CCDC120: variants seen among roughly 807,000 people sequenced by gnomAD.
The protein encoded by CCDC120 is coiled-coil domain-containing protein 120.
In CCDC120, 16 loss-of-function variants were observed where a neutral mutation model predicts 37.6. The observed-to-expected ratio is 0.43, with a 90% CI of 0.29 to 0.65. CCDC120 has a LOEUF of 0.65. Among genes scored for constraint, CCDC120 ranks in the 30% least tolerant of loss-of-function variants. The pLI is 0.18. For missense variants in CCDC120, 650 were observed against 657.4 expected (o/e 0.99, Z 0.12); for synonymous variants, 309 against 275.4 (o/e 1.12, Z -1.21).
rs1557080918 is a variant in CCDC120 at position 49,065,523 on chromosome X, C to A, written c.857C>A (p.Ala286Glu). The stretch of plus-strand genomic sequence containing the variant: ...CCCAAGGCTTGGGACCAGCTGCGGG[C>A]AGTATCTGGGGGGAGCCCTGAGCGG... ...SPPKAWDQLR[A>E]VSGGSPERRT... Residue 286 changes from alanine to glutamate, a missense_variant, in exon 8 of 11, where the codon GCA becomes GAA. Around this residue, in one of 3 missense-constraint regions of CCDC120, gnomAD observed 576 missense variants for 565.3 expected, o/e 1.02. Transcript: ENST00000603986. 8.3e-7 allele frequency: 1 copy of A among 1,210,983 alleles called. No individual in the cohort carries two copies. Among genetic ancestry groups the A allele is most frequent in the African/African-American group, 1.7e-5 (1 of 57,930 alleles).
At position 49,067,955 on chromosome X, in the gene CCDC120, T is replaced by C. The variant is rs1557082058; in HGVS notation, c.1841T>C (p.Leu614Pro). 4.4e-6 allele frequency: 5 copies of C among 1,144,240 alleles called. No homozygotes were observed. Among genetic ancestry groups the C allele is most frequent in the Non-Finnish European group, 5.8e-6 (5 of 860,176 alleles). The allele number at this position is 1,144,240 out of a possible 1,213,427, so 94.3% of individuals were successfully genotyped here. Residue 614 changes from leucine (L) to proline (P), a missense_variant, in exon 10 of 11, where the codon CTC (leucine) becomes CCC (proline). Physicochemically the swap from Leu to Pro is moderately conservative, Grantham distance 98. This residue lies in a region of CCDC120 where 576 missense variants were observed against 565.3 expected (regional missense o/e 1.02). Transcript: ENST00000603986. ...GCGGGGCCCCAGCGCCGGCCTGTGC[T>C]CCCTTCCGTGGGCCCGCCACACCCA... ...LAAGPQRRPV[L>P]PSVGPPHPPF...
At chrX:49,065,198 T>A (rs1245994618) in intron 7 of CCDC120, 100 bp downstream of exon 7, 2 of 871,317 alleles carry the variant, frequency 2.3e-6, no homozygotes, top group Admixed American at 5.1e-5. Flanking sequence ...AGCCCATCCT[T>A]TGATGCCCAG....
At chrX:49,059,502 C>A in intron 1 of CCDC120, 2 of 223,235 alleles carry the variant, frequency 9.0e-6, no homozygotes, top group Non-Finnish European at 1.3e-5. Flanking sequence ...ATTACTCAGG[C>A]ACCTGCCTGC....
rs1309014541 is a variant in CCDC120, at chrX:49,067,085, G to A, written c.1062-91G>A. The A allele has an allele frequency of 1.1e-5, 9 of 809,351 alleles. No homozygotes were observed. In the East Asian group the frequency reaches 3.0e-4, roughly 27 times the overall value. 66.7% of individuals were successfully genotyped at this position (809,351 alleles called of 1,213,427 possible). Reference sequence around the variant, plus strand: ...GCCCATTTGGAGATGTGAAAGTGAAGGCTTAGAAAGGGCTGGGGTAGGGAG... The same window carrying A: ...GCCCATTTGGAGATGTGAAAGTGAAAGCTTAGAAAGGGCTGGGGTAGGGAG... On this transcript the variant is annotated intron_variant, in intron 9 of 10. Coordinates refer to ENST00000603986, the MANE Select transcript of CCDC120 (RefSeq NM_001163321.4).
chrX:49,064,976 T>C, intron 6 of CCDC120, 60 bp from the exon 7 acceptor site: 1 of 1,140,589 alleles, frequency 8.8e-7, no homozygotes, highest in Non-Finnish European at 1.2e-6. Flanking sequence ...CCCAGTGGTG[T>C]AAGGGGGCAG....
Position 49,067,849 on chromosome X carries a change from T to G in CCDC120, c.1735T>G (p.Ser579Ala). The change falls in exon 10 of 11, where the codon TCG becomes GCG. Residue 579 changes from serine (S) to alanine (A), a missense_variant. By Grantham distance (99) the Ser-to-Ala change is moderately conservative. Coordinates refer to ENST00000603986, the MANE Select transcript of CCDC120 (RefSeq NM_001163321.4). ...GATGCCCCCACCCACCCGTATCCCCTCGGCTGGTGAACGCAGTGGCCACAA... is the reference window on the plus strand; with the variant it reads ...GATGCCCCCACCCACCCGTATCCCCGCGGCTGGTGAACGCAGTGGCCACAA... ...LWMPPPTRIPSAGERSGHKNL... is the reference protein window; with the variant it reads ...LWMPPPTRIPAAGERSGHKNL... 1 of 923,424 alleles carries G rather than the reference T, an allele frequency of 1.1e-6. No individual in the cohort carries two copies. The highest frequency in any genetic ancestry group is 1.5e-6 in the Non-Finnish European group (1 of 667,514). The allele number at this position is 923,424 out of a possible 1,213,427, so 76.1% of individuals were successfully genotyped here. A position where few individuals can be genotyped will look rare whatever the true frequency, so the allele number is the denominator to read the frequency against.
chrX:49,068,267 G>A (rs1256221858), intron 10 of CCDC120, 177 bp downstream of exon 10: 46 of 1,081,866 alleles, frequency 4.3e-5, no homozygotes, highest in Non-Finnish European at 5.0e-5. Context: ...TGGGGTCCTG[G>A]TGGAGGGGAT....
In CCDC120 at chrX:49,062,014, A is replaced by C. The variant is rs1557079545; in HGVS notation, c.-28A>C. The C allele has an allele frequency of 8.7e-7, 1 of 1,155,562 alleles. No homozygotes were observed. Among genetic ancestry groups the C allele is most frequent in the South Asian group, 1.9e-5 (1 of 52,610 alleles). On this transcript the variant is annotated 5_prime_UTR_variant, in exon 2 of 11. Transcript: ENST00000603986. ...CTGAGGAGGCGTTGTAAGTCCGCCCAGCTCCCCACTTGCTGTGCTCTCACT... is the reference window on the plus strand; with the variant it reads ...CTGAGGAGGCGTTGTAAGTCCGCCCCGCTCCCCACTTGCTGTGCTCTCACT...
chrX:49,067,153 A>G (rs1557081410), intron 9 of CCDC120, 23 bp from the exon 10 acceptor site: 4 of 1,193,658 alleles, frequency 3.4e-6, no homozygotes, highest in African/African-American at 1.8e-5. Flanking sequence ...CCCTATTCCC[A>G]TGACCCTCGC....
At chrX:49,063,111 A>G (rs1402803842) in intron 4 of CCDC120, among the ~76,000 whole-genome samples, 13 of 108,244 alleles carry the variant, frequency 1.2e-4, no homozygotes, top group African/African-American at 4.4e-4. Context: ...GGAGAATGGC[A>G]TGAACCCGGG....
chrX:49,065,960 C>T (rs782471830), intron 9 of CCDC120, 115 bp downstream of exon 9: 17 of 709,768 alleles, frequency 2.4e-5, no homozygotes, highest in Middle Eastern at 9.4e-4. Context: ...CGGTGGCTCA[C>T]GCTTGTAATC....
chrX:49,054,116 CCT>C (rs1189515281), upstream of CCDC120, among the ~76,000 whole-genome samples: 4 of 111,678 alleles, frequency 3.6e-5, no homozygotes, highest in Non-Finnish European at 7.6e-5. Context: ...GTCCTCAACC[CCT>C]GTTTTGTCCC....
upstream of CCDC120, among the ~76,000 whole-genome samples, chrX:49,056,200 A>G (rs187373652): frequency 9.0e-6 from 1 of 111,463 alleles, no homozygotes; most frequent in East Asian, 2.8e-4. Flanking sequence ...TGCATTTTTG[A>G]TGTTGAGAAA....
rs782610579 is a variant in CCDC120 at position 49,062,317 on chromosome X, A to G, written c.146A>G (p.Asn49Ser). 7 of 1,206,953 alleles carry G rather than the reference A, an allele frequency of 5.8e-6. No homozygotes were observed. The East Asian group carries it at 8.9e-5, about 15-fold the overall frequency. ...KGQLISSPTF[N>S]APAALFGEAA... is the part of the protein sequence containing the mutation. ...CAGCTGATCAGCTCTCCTACCTTCA[A>G]TGCCCCAGGTCGGTGGCTGCTTCCC... The change falls in exon 3 of 11, where the codon AAT becomes AGT. Residue 49 changes from asparagine to serine, a missense_variant. Physicochemically the swap from Asn to Ser is conservative, Grantham distance 46. Around this residue, in one of 3 missense-constraint regions of CCDC120, gnomAD observed 64 missense variants for 65.2 expected, o/e 0.98. Coordinates refer to ENST00000603986, the MANE Select transcript of CCDC120 (RefSeq NM_001163321.4).
Position 49,069,744 on chromosome X carries a change from TC to T in CCDC120, c.*1090del, listed in dbSNP as rs781789544. On this transcript the variant is annotated 3_prime_UTR_variant, in exon 11 of 11. Coordinates refer to ENST00000603986, the MANE Select transcript of CCDC120 (RefSeq NM_001163321.4). ...GTCTGTGATTTTCGGAGCTGGGGGT[TC>T]CCCTACCCCCTTTTCCTGGCGTTAA... The T allele has an allele frequency of 5.3e-5, 6 of 112,421 alleles. No homozygotes were observed. The East Asian group carries it at 1.4e-3, about 26-fold the overall frequency. 9.3% of individuals were successfully genotyped at this position (112,421 alleles called of 1,213,427 possible). A position where few individuals can be genotyped will look rare whatever the true frequency, so the allele number is the denominator to read the frequency against.
upstream of CCDC120, among the ~76,000 whole-genome samples, chrX:49,056,625 CAA>C (rs56112125): frequency 1.7e-4 from 8 of 47,114 alleles, no homozygotes; most frequent in African/African-American, 7.2e-4. Flanking sequence ...GACTCCGTCT[CAA>C]AAAAAAAAAA....
chrX:49,065,945 G>A (rs2064948498), intron 9 of CCDC120, 100 bp downstream of exon 9: 1 of 819,085 alleles, frequency 1.2e-6, no homozygotes, highest in Admixed American at 3.4e-5. Context: ...TGGGATGGCT[G>A]GGCGCGGTGG....
chrX:49,061,536 G>A (rs1237478334), intron 1 of CCDC120, among the ~76,000 whole-genome samples: 3 of 112,580 alleles, frequency 2.7e-5, no homozygotes, highest in Admixed American at 9.4e-5. Flanking sequence ...TTGGACAACC[G>A]TTTGTGAGAG....
At chrX:49,059,330 G>A (rs2064856221) in intron 1 of CCDC120, 9 of 754,183 alleles carry the variant, frequency 1.2e-5, no homozygotes, top group African/African-American at 2.3e-5. Flanking sequence ...GCCGATTCCC[G>A]GCCGGAAATG....
Sources: gnomAD v4.1 joint callset for allele counts (sites outside exome capture counted in the v4.1 genomes callset) on GRCh38, gnomAD v4.1.1 for gene constraint, gnomAD v4.1.1 regional missense constraint, MANE v1.5 for transcripts, NCBI Gene and HGNC (gene_info 2026-07-23, HGNC 2026-07-21) for gene names.